Variants in ZHX2 observed in about 807,000 individuals in gnomAD.
ZHX2 encodes zinc fingers and homeoboxes protein 2.
In ZHX2, 6 loss-of-function variants were observed where a neutral mutation model predicts 21.9. The observed-to-expected ratio is 0.27, with a 90% confidence interval of 0.15 to 0.54. The LOEUF is 0.54. ZHX2 is among the 20% of genes least tolerant of loss of function. ZHX2 has a pLI of 0.95. For missense variants in ZHX2, 908 were observed against 1,090.7 expected (o/e 0.83, Z 2.36); for synonymous variants, 434 against 437.1 (o/e 0.99, Z 0.09).
chr8:122,842,347 C>T (rs1316401526), intron 1 of ZHX2, among the ~76,000 whole-genome samples: 3 of 152,214 alleles, frequency 2.0e-5, no homozygotes, highest in African/African-American at 4.8e-5. Flanking sequence ...GAGTTCTTTC[C>T]AGGAGCAAAT....
intron 2 of ZHX2, among the ~76,000 whole-genome samples, chr8:122,871,769 T>C (rs1435455034): frequency 7.2e-6 from 1 of 138,256 alleles, no homozygotes; most frequent in African/African-American, 2.8e-5. Context: ...ACAGAGGGAG[T>C]GCTCCTAAGT....
chr8:122,953,055 C>G lies in ZHX2; in HGVS notation c.1545C>G (p.Ala515=). 6.2e-7 allele frequency: 1 copy of G among 1,614,092 alleles called. No homozygotes were observed. The highest frequency in any genetic ancestry group is 8.5e-7 in the Non-Finnish European group (1 of 1,180,030). The change falls in exon 3 of 4, where the codon GCC becomes GCG. Residue 515 remains alanine (A), a synonymous_variant. Transcript: ENST00000314393. The surrounding 1 kb of genome is among the most constrained non-coding windows in gnomAD (Gnocchi z 4.6). ...CCAAAGACCAGTTGGCCATCGCGGC[C>G]TCCCGACACGGTCGCACGTATCATG... is the stretch of plus-strand genomic sequence containing the variant. ...SLAKDQLAIA[A]SRHGRTYHAY...
intron 3 of ZHX2, among the ~76,000 whole-genome samples, chr8:122,957,996 A>T (rs1480718152): frequency 6.6e-6 from 1 of 152,254 alleles, no homozygotes; most frequent in Non-Finnish European, 1.5e-5. Flanking sequence ...TTATTTAGGA[A>T]CCTGCAGTTC....
intron 3 of ZHX2, among the ~76,000 whole-genome samples, chr8:122,959,578 T>C (rs1352468260): frequency 2.6e-5 from 4 of 152,206 alleles, no homozygotes; most frequent in Non-Finnish European, 5.9e-5. Context: ...AACCAGAGAA[T>C]TTTAAAAGAT....
chr8:122,839,205 G>A (rs997087532), intron 1 of ZHX2, among the ~76,000 whole-genome samples: 2 of 151,672 alleles, frequency 1.3e-5, no homozygotes, highest in African/African-American at 4.8e-5. Flanking sequence ...GGGCCCATCC[G>A]CACTCCATTC....
chr8:122,781,175 G>T (rs913416809), upstream of ZHX2: 1 of 152,208 alleles, frequency 6.6e-6, no homozygotes, highest in Admixed American at 6.5e-5. The surrounding 1 kb of genome is among the most constrained non-coding windows in gnomAD (Gnocchi z 4.6). Flanking sequence ...ACAGTCCCAC[G>T]CAAAGGGTCC....
At chr8:122,804,377 C>T (rs1422921551) in intron 1 of ZHX2, among the ~76,000 whole-genome samples, 11 of 152,262 alleles carry the variant, frequency 7.2e-5, no homozygotes, top group Non-Finnish European at 5.9e-5. Context: ...CCAAAGTGCC[C>T]GGATTACAGA....
intron 1 of ZHX2, among the ~76,000 whole-genome samples, chr8:122,817,282 T>C (rs1818055424): frequency 6.6e-6 from 1 of 152,180 alleles, no homozygotes; most frequent in Non-Finnish European, 1.5e-5. Flanking sequence ...TTCTTATCAC[T>C]CTTAGCTCCC....
chr8:122,847,536 C>T (rs927116577), intron 1 of ZHX2, among the ~76,000 whole-genome samples: 1 of 152,238 alleles, frequency 6.6e-6, no homozygotes, highest in African/African-American at 2.4e-5. Flanking sequence ...TACCTTGTCA[C>T]TCTCCATCCC....
At chr8:122,957,885 GA>G (rs1352350993) in intron 3 of ZHX2, among the ~76,000 whole-genome samples, 1 of 151,808 alleles carries the variant, frequency 6.6e-6, no homozygotes, top group Non-Finnish European at 1.5e-5. Context: ...AATTTAAAGG[GA>G]AAAAAAATCT....
chr8:122,805,722 C>T (rs35293743), intron 1 of ZHX2, among the ~76,000 whole-genome samples: 40,871 of 151,722 alleles, frequency 0.27, 5,996 homozygotes, highest in Middle Eastern at 0.34. Context: ...TCTCTACAAA[C>T]ATTGACATCG....
rs1317610688 is a variant in ZHX2 at position 122,957,310 on chromosome 8, A to C, written c.*4+3282A>C. On this transcript the variant is annotated intron_variant, in intron 3 of 3. Transcript: ENST00000314393. ...AGCTGTGTTCACAAAAAAAAAAAAA[A>C]AAAACATGCAGGAACCCCACTTTAT... is the stretch of plus-strand genomic sequence containing the variant. 4.0e-5 allele frequency among the ~76,000 whole-genome samples: 6 copies of C among 151,112 alleles called. No homozygotes were observed. In the East Asian group the frequency reaches 1.2e-3, roughly 29 times the overall value.
intron 2 of ZHX2, among the ~76,000 whole-genome samples, chr8:122,868,920 C>T (rs867020294): frequency 1.3e-5 from 2 of 152,156 alleles, no homozygotes; most frequent in Admixed American, 6.5e-5. Context: ...ACCTGCATGG[C>T]TGGAGGAGCA....
chr8:122,784,916 A>G (rs911907140), intron 1 of ZHX2, among the ~76,000 whole-genome samples: 22 of 152,236 alleles, frequency 1.4e-4, no homozygotes, highest in African/African-American at 4.6e-4. Context: ...ATGTATGGAA[A>G]TGCTGGGGAG....
In ZHX2 at chr8:122,953,755, G is replaced by T. The variant is rs1201928520; in HGVS notation, c.2245G>T (p.Val749Leu). Residue 749 changes from valine (V) to leucine (L), a missense_variant, in exon 3 of 4, where the codon GTA becomes TTA. Transcript: ENST00000314393. The surrounding 1 kb of genome is among the most constrained non-coding windows in gnomAD (Gnocchi z 4.6). ...GGACTTGGAGAAGTTGGTGACCAGG[G>T]TAAAAGTAGGCAGCGAGCCAGCAAA... Reference protein sequence around the residue: ...EEDLEKLVTRVKVGSEPAKDC... With the variant: ...EEDLEKLVTRLKVGSEPAKDC... The T allele has an allele frequency of 1.2e-6, 2 of 1,614,256 alleles. No individual in the cohort carries two copies. The highest frequency in any genetic ancestry group is 2.2e-5 in the East Asian group (1 of 44,892).
intron 1 of ZHX2, among the ~76,000 whole-genome samples, chr8:122,839,528 A>T (rs1028549285): frequency 2.6e-5 from 4 of 152,088 alleles, no homozygotes; most frequent in Admixed American, 2.6e-4. Context: ...AACCTCAATG[A>T]TATGTTTGCA....
chr8:122,943,122 C>T (rs1040157925), intron 2 of ZHX2, among the ~76,000 whole-genome samples: 4 of 152,052 alleles, frequency 2.6e-5, no homozygotes, highest in Non-Finnish European at 4.4e-5. Context: ...ATTAGCCAGG[C>T]GTGGTGGCAC....
intron 2 of ZHX2, among the ~76,000 whole-genome samples, chr8:122,888,357 A>C (rs1206541046): frequency 1.3e-5 from 2 of 152,244 alleles, no homozygotes; most frequent in Non-Finnish European, 2.9e-5. Flanking sequence ...GTAAGAATCA[A>C]GTCAGGGTAA....
At chr8:122,899,067 C>T (rs1820165209) in intron 2 of ZHX2, among the ~76,000 whole-genome samples, 3 of 152,330 alleles carry the variant, frequency 2.0e-5, no homozygotes, top group Admixed American at 2.0e-4. Flanking sequence ...CATGGAACAC[C>T]TATGCAGCAA....
Sources: allele counts gnomAD v4.1 joint callset (sites outside exome capture counted in the v4.1 genomes callset), GRCh38; gene constraint gnomAD v4.1.1; non-coding constraint Gnocchi (gnomAD v3.1); transcripts MANE v1.5; gene names NCBI Gene and HGNC (gene_info 2026-07-23, HGNC 2026-07-21).